The following ITGA9 variants were observed in gnomAD, a reference collection of about 807,000 sequenced individuals.
ITGA9 encodes the protein integrin subunit alpha 9.
Under a neutral mutation model 127.8 loss-of-function variants are expected in ITGA9, and 56 were observed. That is an observed-to-expected ratio of 0.44 (90% CI 0.35 to 0.55). The LOEUF (loss-of-function observed/expected upper bound fraction) is 0.55, where lower values mean the gene tolerates loss of function less well. Among genes scored for constraint, ITGA9 ranks in the 20% least tolerant of loss-of-function variants. The pLI is 0.00. For synonymous variants in ITGA9, 508 were observed against 514.5 expected, an observed-to-expected ratio of 0.99 and a Z score of 0.17; for missense variants, 1,196 against 1,347.1, an observed-to-expected ratio of 0.89 and a Z score of 1.76.
intron 18 of ITGA9, among the ~76,000 whole-genome samples, chr3:37,696,316 G>A (rs1449723612): frequency 6.6e-6 from 1 of 152,190 alleles, no homozygotes; most frequent in East Asian, 1.9e-4. Context: ...GCAGAACTGG[G>A]GAAGGACTGC....
At chr3:37,547,105 C>T (rs1228037439) in intron 15 of ITGA9, among the ~76,000 whole-genome samples, 2 of 152,150 alleles carry the variant, frequency 1.3e-5, no homozygotes, top group African/African-American at 4.8e-5. Flanking sequence ...GTGACACCCT[C>T]TAGAGGCATT....
At chr3:37,777,553 G>A (rs562143721) in intron 24 of ITGA9, 36 bp downstream of exon 24, 2 of 1,612,010 alleles carry the variant, frequency 1.2e-6, no homozygotes, top group African/African-American at 2.7e-5. Flanking sequence ...TAACACGGGT[G>A]GTCCTCACTC....
rs188117677 is a variant in ITGA9 at position 37,585,171 on chromosome 3, T to C, written c.1689+42586T>C. ...TTTGCCACAGGGGTCTCTTTTAAAC[T>C]GACCCCCCTTACTGTTGTAAATAGT... On this transcript the variant is annotated intron_variant, in intron 15 of 27. Transcript: ENST00000264741. 3.2e-4 allele frequency among the ~76,000 whole-genome samples: 49 copies of C among 152,326 alleles called. No homozygotes were observed. In the East Asian group the frequency reaches 7.3e-3, roughly 23 times the overall value.
intron 18 of ITGA9, among the ~76,000 whole-genome samples, chr3:37,686,187 A>G (rs1700780820): frequency 6.6e-6 from 1 of 151,896 alleles, no homozygotes; most frequent in Non-Finnish European, 1.5e-5. Flanking sequence ...TCCCCTCTTC[A>G]CTGCATGAGG....
intron 5 of ITGA9, among the ~76,000 whole-genome samples, chr3:37,501,631 T>A (rs940374200): frequency 9.2e-5 from 14 of 152,040 alleles, no homozygotes; most frequent in African/African-American, 3.4e-4. Context: ...CTTCCATCAG[T>A]GTGGATTGGT....
chr3:37,533,194 T>C, intron 13 of ITGA9, 120 bp from the exon 14 acceptor site: 1 of 953,904 alleles, frequency 1.0e-6, no homozygotes, highest in Non-Finnish European at 1.7e-6. Context: ...TTGGGATATT[T>C]CATGCTTTAA....
intron 18 of ITGA9, among the ~76,000 whole-genome samples, chr3:37,700,316 A>C (rs188791443): frequency 6.6e-6 from 1 of 151,884 alleles, no homozygotes; most frequent in African/African-American, 2.4e-5. Flanking sequence ...TGGTTGTCTT[A>C]GTCCTCCTAC....
intron 15 of ITGA9, among the ~76,000 whole-genome samples, chr3:37,605,453 G>T (rs1024853815): frequency 3.3e-5 from 5 of 152,136 alleles, no homozygotes; most frequent in Non-Finnish European, 7.3e-5. Context: ...AGAGTCTGAG[G>T]TGCAAGAAAT....
chr3:37,639,452 G>T (rs1700311910), intron 16 of ITGA9, among the ~76,000 whole-genome samples: 1 of 152,204 alleles, frequency 6.6e-6, no homozygotes, highest in Non-Finnish European at 1.5e-5. Flanking sequence ...CTTAAAGGTG[G>T]AGTAGGATTT....
intron 23 of ITGA9, among the ~76,000 whole-genome samples, chr3:37,773,331 T>C (rs1326320472): frequency 6.6e-6 from 1 of 152,252 alleles, no homozygotes; most frequent in Non-Finnish European, 1.5e-5. Flanking sequence ...GGAATGTGCA[T>C]GCCACAGGGC....
rs918737301 is a variant in ITGA9 at position 37,513,666 on chromosome 3, A to T, written c.898-97A>T. 1.0e-5 allele frequency: 14 copies of T among 1,364,370 alleles called. No individual in the cohort carries two copies. In the Admixed American group the frequency reaches 2.3e-4, roughly 23 times the overall value. The allele number at this position is 1,364,370 out of a possible 1,614,324, so 84.5% of individuals were successfully genotyped here. A position where few individuals can be genotyped will look rare whatever the true frequency, so the allele number is the denominator to read the frequency against. ...GTGTTCTCATTGTTCAATTCCTCTGAGGGATGTTTCTAAAGCCAATGGGGT... is the reference window on the plus strand; with the variant it reads ...GTGTTCTCATTGTTCAATTCCTCTGTGGGATGTTTCTAAAGCCAATGGGGT... On this transcript the variant is annotated intron_variant, in intron 8 of 27. Transcript: ENST00000264741.
At chr3:37,708,627 A>G (rs1228061985) in intron 18 of ITGA9, among the ~76,000 whole-genome samples, 1 of 126 alleles carries the variant, frequency 7.9e-3, no homozygotes, top group East Asian at 0.1. Flanking sequence ...TCTAGTGGGT[A>G]TGCCAGGGAT....
At chr3:37,508,997 A>G (rs961753726) in intron 8 of ITGA9, among the ~76,000 whole-genome samples, 1 of 152,222 alleles carries the variant, frequency 6.6e-6, no homozygotes, top group Admixed American at 6.5e-5. Flanking sequence ...GAGTACAGGT[A>G]GCAATAAATG....
rs546150274 is a variant in ITGA9, at chr3:37,474,177, TAGAA to T, written c.420+723_420+726del. Among the ~76,000 whole-genome samples, 270 of 152,322 alleles carry T rather than the reference TAGAA, an allele frequency of 1.8e-3. 1 individual carries two copies. The highest frequency in any genetic ancestry group is 6.4e-3 in the African/African-American group (264 of 41,572). ...TGATCCGTAGGTGCTTTGAGGGAGA[TAGAA>T]AGAAAAGTCTTTGCATTTGAGACTC... is the stretch of plus-strand genomic sequence containing the variant. On this transcript the variant is annotated intron_variant, in intron 3 of 27. Transcript: ENST00000264741.
Position 37,473,400 on chromosome 3 carries a change from C to T in ITGA9, c.360C>T (p.Arg120=), listed in dbSNP as rs140343057. ...GCGGAAAGACCTGCCGGGAAGACCG[C>T]GATGATGAGTGGATGGGGGTGAGCC... ...TSCGKTCRED[R]DDEWMGVSLA... Residue 120 remains arginine (R), a synonymous_variant, in exon 3 of 28, where the codon CGC becomes CGT. Transcript: ENST00000264741. 5.6e-4 allele frequency: 906 copies of T among 1,613,940 alleles called. 6 individuals are homozygous for T. In the East Asian group the frequency reaches 0.015, roughly 26 times the overall value.
chr3:37,612,982 C>A (rs1700038086), intron 15 of ITGA9, among the ~76,000 whole-genome samples: 4 of 147,072 alleles, frequency 2.7e-5, no homozygotes, highest in African/African-American at 7.6e-5. Flanking sequence ...TTTAATTATA[C>A]TTTAAGTTTT....
At chr3:37,801,677 C>T (rs1697236764) in intron 26 of ITGA9, among the ~76,000 whole-genome samples, 1 of 152,010 alleles carries the variant, frequency 6.6e-6, no homozygotes, top group African/African-American at 2.4e-5. Context: ...CCATGCACAA[C>T]CTCAAAAAAA....
intron 26 of ITGA9, among the ~76,000 whole-genome samples, chr3:37,798,390 T>C (rs1697199352): frequency 6.6e-6 from 1 of 152,244 alleles, no homozygotes; most frequent in Non-Finnish European, 1.5e-5. Flanking sequence ...TTACATATCC[T>C]TTCAGTGTCA....
intron 15 of ITGA9, among the ~76,000 whole-genome samples, chr3:37,593,151 G>C (rs180751058): frequency 6.6e-6 from 1 of 152,180 alleles, no homozygotes; most frequent in Non-Finnish European, 1.5e-5. Context: ...AAAATTCATA[G>C]ATGCTCAAGT....
Sources: gnomAD v4.1 joint callset for allele counts (sites outside exome capture counted in the v4.1 genomes callset) on GRCh38, gnomAD v4.1.1 for gene constraint, MANE v1.5 for transcripts, NCBI Gene and HGNC (gene_info 2026-07-23, HGNC 2026-07-21) for gene names.